The following COX10 variants were observed in gnomAD, a reference collection of about 807,000 sequenced individuals.
COX10 encodes protoheme IX farnesyltransferase, mitochondrial.
COX10 carries 27 observed loss-of-function variants against 37.3 expected under a neutral mutation model. That is an observed-to-expected ratio of 0.72 (90% confidence interval 0.53 to 1.00). The LOEUF (loss-of-function observed/expected upper bound fraction) is 1.00. COX10 is among the 50% of genes least tolerant of loss of function. The pLI is 0.00. For missense variants in COX10, 475 were observed against 563.2 expected (o/e 0.84, Z 1.59); for synonymous variants, 222 against 229.1 (o/e 0.97, Z 0.28).
intron 6 of COX10, among the ~76,000 whole-genome samples, chr17:14,199,645 T>A (rs1189404359): frequency 6.6e-6 from 1 of 152,218 alleles, no homozygotes; most frequent in Admixed American, 6.5e-5. Context: ...CAAAGAATTC[T>A]TCAAGGGCAA....
chr17:14,162,586 G>T (rs1376234109), intron 5 of COX10, among the ~76,000 whole-genome samples: 1 of 149,826 alleles, frequency 6.7e-6, no homozygotes, highest in African/African-American at 2.5e-5. Context: ...CATGTTTTAC[G>T]TTGGCTAATG....
rs117544771 is a variant in COX10 at position 14,128,784 on chromosome 17, C to T, written c.624+26542C>T. Among the ~76,000 whole-genome samples the T allele has an allele frequency of 3.8e-3, 571 of 152,264 alleles. 17 individuals carry two copies. The highest frequency in any genetic ancestry group is 0.032 in the Admixed American group (492 of 15,290). On this transcript the variant is annotated intron_variant, in intron 4 of 6. Coordinates refer to ENST00000261643, the MANE Select transcript of COX10 (RefSeq NM_001303.4). ...CAGGACTATAGAACCTAAACAAAGG[C>T]GGTCAACTTTAAGAAGAGCATATCT...
intron 4 of COX10, among the ~76,000 whole-genome samples, chr17:14,112,729 G>A (rs1916030396): frequency 6.6e-6 from 1 of 152,096 alleles, no homozygotes; most frequent in South Asian, 2.1e-4. Context: ...TTTTTACTAA[G>A]TATGTGCATG....
intron 4 of COX10, among the ~76,000 whole-genome samples, chr17:14,119,642 A>C (rs1916187692): frequency 1.3e-5 from 2 of 152,334 alleles, no homozygotes; most frequent in East Asian, 1.9e-4. Context: ...GATGAGTAGG[A>C]GTTTTCTAGG....
chr17:14,176,549 C>G (rs1176664929), intron 5 of COX10, among the ~76,000 whole-genome samples: 1 of 152,138 alleles, frequency 6.6e-6, no homozygotes. Context: ...CTTTTGTTCC[C>G]TCTTAATTTA....
At chr17:14,149,308 T>C (rs1376610012) in intron 4 of COX10, among the ~76,000 whole-genome samples, 1 of 152,096 alleles carries the variant, frequency 6.6e-6, no homozygotes, top group East Asian at 1.9e-4. Context: ...CTTTCTACTC[T>C]AGGCAAGTAA....
intron 4 of COX10, among the ~76,000 whole-genome samples, chr17:14,134,925 G>GC (rs1297774763): frequency 6.6e-6 from 1 of 151,688 alleles, no homozygotes; most frequent in Non-Finnish European, 1.5e-5. Flanking sequence ...AATATTACAA[G>GC]CAGGATGTTG....
At chr17:14,184,030 A>G (rs1424999549) in intron 5 of COX10, among the ~76,000 whole-genome samples, 1 of 152,158 alleles carries the variant, frequency 6.6e-6, no homozygotes, top group Non-Finnish European at 1.5e-5. Context: ...TGCTTTATTT[A>G]CATCATTGTA....
In COX10 at chr17:14,207,167, G is replaced by A. The variant is rs763606277; in HGVS notation, c.1286G>A (p.Cys429Tyr). 3.1e-6 allele frequency: 5 copies of A among 1,610,396 alleles called. No individual in the cohort carries two copies. In the Admixed American group the frequency reaches 6.7e-5, roughly 21 times the overall value. The change falls in exon 7 of 7, where the codon TGC becomes TAC. Residue 429 changes from cysteine (C) to tyrosine (Y), a missense_variant. This residue lies in a region of COX10 where 160 missense variants were observed against 180.6 expected (regional missense o/e 0.89). Coordinates refer to ENST00000261643, the MANE Select transcript of COX10 (RefSeq NM_001303.4). ...LPLLLLLMLTCKRPSGGGDAG... is the reference protein window; with the variant it reads ...LPLLLLLMLTYKRPSGGGDAG... ...CTGCTGCTGCTGCTCATGCTCACCT[G>A]CAAGCGGCCGAGCGGAGGCGGGGAC...
chr17:14,194,030 C>T (rs1906291085), intron 6 of COX10, among the ~76,000 whole-genome samples: 1 of 152,234 alleles, frequency 6.6e-6, no homozygotes, highest in Non-Finnish European at 1.5e-5. Context: ...CTCTATTCAA[C>T]TTCCTCAAAC....
intron 4 of COX10, among the ~76,000 whole-genome samples, chr17:14,137,271 CAT>C (rs1904403578): frequency 6.6e-6 from 1 of 150,808 alleles, no homozygotes; most frequent in African/African-American, 2.4e-5. Flanking sequence ...ATATTATAAA[CAT>C]ATTAAATATT....
intron 4 of COX10, among the ~76,000 whole-genome samples, 175 bp from the exon 5 acceptor site, chr17:14,159,702 T>G (rs541261227): frequency 1.3e-5 from 2 of 152,268 alleles, no homozygotes; most frequent in Admixed American, 1.3e-4. Context: ...GTTGTTTTGG[T>G]TTTTTGTTTG....
chr17:14,174,028 T>A (rs1432840090), intron 5 of COX10, among the ~76,000 whole-genome samples: 1 of 152,022 alleles, frequency 6.6e-6, no homozygotes, highest in Non-Finnish European at 1.5e-5. Context: ...TAAAAACTTC[T>A]GCTCTTCAGA....
chr17:14,170,259 A>G (rs910046030), intron 5 of COX10, among the ~76,000 whole-genome samples: 5 of 152,234 alleles, frequency 3.3e-5, no homozygotes, highest in Non-Finnish European at 4.4e-5. Context: ...CAGTCATGCA[A>G]TGAAGGTAAA....
intron 5 of COX10, among the ~76,000 whole-genome samples, chr17:14,163,386 T>G (rs946289224): frequency 6.6e-6 from 1 of 151,836 alleles, no homozygotes; most frequent in African/African-American, 2.4e-5. Context: ...TCCCAAGTAG[T>G]TGGGACTACA....
intron 2 of COX10, among the ~76,000 whole-genome samples, chr17:14,075,406 A>G (rs1327603807): frequency 6.6e-6 from 1 of 152,168 alleles, no homozygotes; most frequent in Non-Finnish European, 1.5e-5. Context: ...ACTAGTTATC[A>G]GCATAGGTGG....
At chr17:14,075,216 A>C (rs903995268) in intron 2 of COX10, among the ~76,000 whole-genome samples, 1 of 152,200 alleles carries the variant, frequency 6.6e-6, no homozygotes, top group African/African-American at 2.4e-5. Context: ...AATTTCTAGA[A>C]ATGTTCAGGC....
At chr17:14,094,305 A>G (rs1203973955) in intron 3 of COX10, among the ~76,000 whole-genome samples, 1 of 150,586 alleles carries the variant, frequency 6.6e-6, no homozygotes, top group African/African-American at 2.4e-5. Flanking sequence ...GCTATTATAT[A>G]TAAATATATA....
chr17:14,207,040 C>G lies in COX10; in HGVS notation c.1159C>G (p.Pro387Ala), dbSNP rs901306243. 4 of 1,613,966 alleles carry G rather than the reference C, an allele frequency of 2.5e-6. No homozygotes were observed. The African/African-American group carries it at 4.0e-5, about 16-fold the overall frequency. The change falls in exon 7 of 7, where the codon CCC (proline) becomes GCC (alanine). Residue 387 changes from proline (P) to alanine (A), a missense_variant. By Grantham distance (27) the Pro-to-Ala change is conservative (BLOSUM62 -1). Transcript: ENST00000261643. ...ATGGACCTTCCCCATCATGGCCCTTCCCATCAATGCGTACATCTCCTACCT... is the reference window on the plus strand; with the variant it reads ...ATGGACCTTCCCCATCATGGCCCTTGCCATCAATGCGTACATCTCCTACCT... ...TTWTFPIMAL[P>A]INAYISYLGF...
Sources: gnomAD v4.1 joint callset for allele counts (sites outside exome capture counted in the v4.1 genomes callset) on GRCh38, gnomAD v4.1.1 for gene constraint, gnomAD v4.1.1 regional missense constraint, MANE v1.5 for transcripts, NCBI Gene and HGNC (gene_info 2026-07-23, HGNC 2026-07-21) for gene names.